TMLHE: variants seen among roughly 807,000 people sequenced by gnomAD.
TMLHE encodes trimethyllysine dioxygenase, mitochondrial.
A neutral mutation model predicts 25.7 loss-of-function variants in TMLHE; 18 were observed. The observed-to-expected ratio is 0.70, with a 90% CI of 0.48 to 1.04. TMLHE has a LOEUF of 1.04. TMLHE is among the 50% of genes least tolerant of loss of function. The pLI is 0.00. For missense variants in TMLHE, 236 were observed against 259.0 expected (o/e 0.91, Z 0.61); for synonymous variants, 105 against 97.0 (o/e 1.08, Z -0.49).
intron 3 of TMLHE, among the ~76,000 whole-genome samples, chrX:155,522,396 G>A (rs2067193399): frequency 9.0e-6 from 1 of 111,379 alleles, no homozygotes; most frequent in Non-Finnish European, 1.9e-5. Context: ...CAATCCATTG[G>A]GCTTATTCAG....
At chrX:155,579,977 G>A (rs2067615330) in intron 1 of TMLHE, among the ~76,000 whole-genome samples, 1 of 110,291 alleles carries the variant, frequency 9.1e-6, no homozygotes, top group Non-Finnish European at 1.9e-5. Context: ...TAGAAAAATG[G>A]GACTTCATTA....
At chrX:155,519,261 C>T (rs1275076160) in intron 3 of TMLHE, among the ~76,000 whole-genome samples, 2 of 13,245 alleles carry the variant, frequency 1.5e-4, no homozygotes, top group Admixed American at 9.8e-4. Context: ...TTTATTTCTG[C>T]CTTCATTTCG....
Position 155,570,828 on chromosome X carries a change from T to C in TMLHE, c.-1-25551A>G, listed in dbSNP as rs1443913775. On this transcript the variant is annotated intron_variant, in intron 1 of 7. Transcript: ENST00000334398. ...AACATACCAGAATCTCTGGGACACA[T>C]TCAAAGTGTCTAGAGGGAAATTTAT... is the stretch of plus-strand genomic sequence containing the variant. Among the ~76,000 whole-genome samples, 2 of 56,151 alleles carry C rather than the reference T, an allele frequency of 3.6e-5. 1 individual carries two copies. Among genetic ancestry groups the C allele is most frequent in the Non-Finnish European group, 9.3e-5 (2 of 21,423 alleles). 48.8% of individuals were successfully genotyped at this position (56,151 alleles called of 115,157 possible).
At chrX:155,608,721 A>G (rs1557348079) in intron 1 of TMLHE, among the ~76,000 whole-genome samples, 2 of 111,914 alleles carry the variant, frequency 1.8e-5, no homozygotes, top group African/African-American at 6.5e-5. Flanking sequence ...AAACCAAACA[A>G]CCTCATTAAA....
intron 1 of TMLHE, among the ~76,000 whole-genome samples, chrX:155,555,747 T>C (rs1219359699): frequency 9.0e-6 from 1 of 110,766 alleles, no homozygotes; most frequent in Non-Finnish European, 1.9e-5. Context: ...TTTGTTTGAG[T>C]TCTTTGTAGA....
intron 5 of TMLHE, among the ~76,000 whole-genome samples, chrX:155,508,716 T>A (rs1557333023): frequency 9.0e-6 from 1 of 110,958 alleles, no homozygotes; most frequent in African/African-American, 3.3e-5. Flanking sequence ...TCAAGTAAGA[T>A]GACAGTACAC....
At chrX:155,575,102 G>C (rs1380866345) in intron 1 of TMLHE, among the ~76,000 whole-genome samples, 1 of 111,650 alleles carries the variant, frequency 9.0e-6, no homozygotes, top group Non-Finnish European at 1.9e-5. Flanking sequence ...TGTTGGTAAT[G>C]TTGGTTCCTT....
intron 1 of TMLHE, among the ~76,000 whole-genome samples, chrX:155,574,665 C>G (rs2067579001): frequency 9.0e-6 from 1 of 111,374 alleles, no homozygotes; most frequent in Non-Finnish European, 1.9e-5. Context: ...AAAAAATGTA[C>G]TCAAAGAACA....
chrX:155,557,589 A>G (rs782709817), intron 1 of TMLHE, among the ~76,000 whole-genome samples: 1 of 111,727 alleles, frequency 9.0e-6, no homozygotes, highest in African/African-American at 3.3e-5. Flanking sequence ...TATTGCACAT[A>G]TATCAGATCT....
chrX:155,554,554 C>CT (rs782723760), intron 1 of TMLHE, among the ~76,000 whole-genome samples: 7 of 109,814 alleles, frequency 6.4e-5, no homozygotes, highest in Non-Finnish European at 9.5e-5. Flanking sequence ...GCTTTTAAGA[C>CT]TTTTTTTTCT....
chrX:155,533,997 G>A (rs1301404659), intron 2 of TMLHE, among the ~76,000 whole-genome samples: 1 of 111,572 alleles, frequency 9.0e-6, no homozygotes, highest in Non-Finnish European at 1.9e-5. Context: ...GAATACTAAG[G>A]GTGTGGCTGA....
chrX:155,516,067 G>A (rs1323765287), intron 3 of TMLHE, among the ~76,000 whole-genome samples: 3 of 52,168 alleles, frequency 5.8e-5, no homozygotes, highest in East Asian at 1.3e-3. Context: ...TGCACATTGT[G>A]CAGGTTAGTT....
At chrX:155,505,624 C>A (rs2067071588) in intron 6 of TMLHE, among the ~76,000 whole-genome samples, 1 of 111,565 alleles carries the variant, frequency 9.0e-6, no homozygotes, top group Admixed American at 9.5e-5. Context: ...AGTTTTGCAG[C>A]TATCTTCACC....
At chrX:155,553,847 C>CAT (rs782530153) in intron 1 of TMLHE, among the ~76,000 whole-genome samples, 12 of 110,056 alleles carry the variant, frequency 1.1e-4, no homozygotes, top group African/African-American at 3.7e-4. Flanking sequence ...TGAATAATAA[C>CAT]ATATATATAT....
intron 2 of TMLHE, among the ~76,000 whole-genome samples, chrX:155,525,894 C>T (rs782493437): frequency 8.9e-6 from 1 of 112,283 alleles, no homozygotes; most frequent in Admixed American, 9.4e-5. Context: ...CAAGATGTGG[C>T]CTGGCTGCTT....
intron 2 of TMLHE, among the ~76,000 whole-genome samples, chrX:155,527,491 C>T (rs1368225691): frequency 9.0e-6 from 1 of 111,584 alleles, no homozygotes; most frequent in Non-Finnish European, 1.9e-5. Flanking sequence ...TTCTTTATGG[C>T]AGTGTGAGAA....
chrX:155,603,253 C>T (rs1355850883), intron 1 of TMLHE, among the ~76,000 whole-genome samples: 3 of 110,811 alleles, frequency 2.7e-5, no homozygotes, highest in Non-Finnish European at 5.7e-5. Context: ...TCGTTTGAGC[C>T]TGGGAGGTTG....
chrX:155,512,299 C>T (rs782623878), intron 4 of TMLHE, among the ~76,000 whole-genome samples: 384 of 105,781 alleles, frequency 3.6e-3, no homozygotes, highest in African/African-American at 8.4e-3. Flanking sequence ...GTATATCTCC[C>T]AATGCTATCC....
chrX:155,524,527 T>A lies in TMLHE; in HGVS notation c.287A>T (p.Asp96Val). 1 of 1,209,490 alleles carries A rather than the reference T, an allele frequency of 8.3e-7. No individual in the cohort carries two copies. The highest frequency in any genetic ancestry group is 3.0e-5 in the East Asian group (1 of 33,775). Residue 96 changes from aspartate (D) to valine (V), a missense_variant, in exon 3 of 8, where the codon GAT becomes GTT. By Grantham distance (152) the Asp-to-Val change is radical (BLOSUM62 -3). Coordinates refer to ENST00000334398, the MANE Select transcript of TMLHE (RefSeq NM_018196.4). ...YNSKTHQRSL[D>V]TASVDLCIKP... is the part of the protein sequence containing the mutation. ...GATACATAAATCCACACTGGCAGTA[T>A]CCAGGCTGCGCTGGTGAGTCTTAGA...
Sources: gnomAD v4.1 joint callset for allele counts (sites outside exome capture counted in the v4.1 genomes callset) on GRCh38, gnomAD v4.1.1 for gene constraint, MANE v1.5 for transcripts, NCBI Gene and HGNC (gene_info 2026-07-23, HGNC 2026-07-21) for gene names.